The following THOC1 variants were observed in gnomAD, a reference collection of about 807,000 sequenced individuals.
THOC1 encodes the protein THO complex subunit 1, also known as THO complex 1.
THOC1 carries 29 observed loss-of-function variants against 97.3 expected under a neutral mutation model. That is an observed-to-expected ratio of 0.30 (90% confidence interval 0.22 to 0.41). The LOEUF is 0.41. Among genes scored for constraint, THOC1 ranks in the 10% least tolerant of loss-of-function variants. The pLI, the probability that THOC1 is intolerant of heterozygous loss-of-function variation, is 1.00. For synonymous variants in THOC1, 255 were observed against 257.0 expected, an observed-to-expected ratio of 0.99 and a Z score of 0.07; for missense variants, 529 against 761.9, an observed-to-expected ratio of 0.69 and a Z score of 3.60.
chr18:218,136 C>T (rs975329313), intron 18 of THOC1, among the ~76,000 whole-genome samples: 1 of 152,148 alleles, frequency 6.6e-6, no homozygotes, highest in Non-Finnish European at 1.5e-5. Context: ...TAACCACATG[C>T]CCTGTAGGGT....
At chr18:267,906 G>A (rs1912832360) in intron 1 of THOC1, 60 bp downstream of exon 1, 6 of 1,511,988 alleles carry the variant, frequency 4.0e-6, no homozygotes, top group Admixed American at 2.0e-5. Context: ...AGTAATTTCA[G>A]GGAGAAGAGG....
chr18:236,350 CTTTTTTTTTT>C (rs71174215), intron 11 of THOC1, among the ~76,000 whole-genome samples: 1 of 88,374 alleles, frequency 1.1e-5, no homozygotes, highest in Non-Finnish European at 2.2e-5. Context: ...GAATAAGATT[CTTTTTTTTTT>C]TTTTTTTTTT....
At chr18:217,693 G>GT (rs1478078228) in intron 18 of THOC1, among the ~76,000 whole-genome samples, 2 of 151,202 alleles carry the variant, frequency 1.3e-5, no homozygotes, top group East Asian at 3.9e-4. Flanking sequence ...TTGGATAGTG[G>GT]TAAGTGCCGT....
Position 246,329 on chromosome 18 carries a change from C to T in THOC1, c.913G>A (p.Glu305Lys). The T allele has an allele frequency of 6.4e-7, 1 of 1,562,400 alleles. No homozygotes were observed. The highest frequency in any genetic ancestry group is 8.7e-7 in the Non-Finnish European group (1 of 1,143,910). Reference protein sequence around the residue: ...HVYFAKFLTSEKLMDLQLSDS... With the variant: ...HVYFAKFLTSKKLMDLQLSDS... Reference sequence around the variant, plus strand: ...TGAAAAAGAAAAACTTATACCTTTTCACTTGTTAAAAATTTTGCAAAATAT... The same window carrying T: ...TGAAAAAGAAAAACTTATACCTTTTTACTTGTTAAAAATTTTGCAAAATAT... Residue 305 changes from glutamate (E) to lysine (K), a missense_variant, in exon 11 of 21, where the codon GAA becomes AAA. Transcript: ENST00000261600.
At chr18:239,235 T>A (rs1332879432) in intron 11 of THOC1, among the ~76,000 whole-genome samples, 1 of 152,200 alleles carries the variant, frequency 6.6e-6, no homozygotes, top group Non-Finnish European at 1.5e-5. Context: ...ATTGAAAAAA[T>A]TTCTACAAAA....
chr18:263,961 C>T (rs545521256), intron 4 of THOC1, 65 bp downstream of exon 4: 28 of 1,228,902 alleles, frequency 2.3e-5, no homozygotes, highest in Admixed American at 1.4e-4. Context: ...GGGGAGAAGA[C>T]GTTTTAAATA....
intron 11 of THOC1, among the ~76,000 whole-genome samples, chr18:241,007 G>GCT (rs976395409): frequency 9.2e-5 from 14 of 152,118 alleles, no homozygotes; most frequent in African/African-American, 3.4e-4. Flanking sequence ...TGCTGCTGCT[G>GCT]ATCTGATAGG....
chr18:249,359 G>T lies in THOC1; in HGVS notation c.678-1402C>A, dbSNP rs186732915. Among the ~76,000 whole-genome samples, 72 of 152,146 alleles carry T rather than the reference G, an allele frequency of 4.7e-4. No homozygotes were observed. The East Asian group carries it at 9.3e-3, about 20-fold the overall frequency. ...AAGATTATACCTCTGGGTTTTCTAT[G>T]AATTGGGTTTTTAAAAAAAGCCACA... On this transcript the variant is annotated intron_variant, in intron 9 of 20. Transcript: ENST00000261600.
chr18:226,748 C>CT (rs953920523), intron 12 of THOC1, 53 bp downstream of exon 12: 169 of 1,378,544 alleles, frequency 1.2e-4, no homozygotes, highest in South Asian at 3.1e-4. Context: ...TAAGCAAGTC[C>CT]TTTTTTTTCT....
intron 1 of THOC1, among the ~76,000 whole-genome samples, chr18:266,042 C>G (rs1912756457): frequency 6.6e-6 from 1 of 152,204 alleles, no homozygotes; most frequent in South Asian, 2.1e-4. Flanking sequence ...CAAATTCTAT[C>G]CATTCTCCCA....
intron 4 of THOC1, chr18:260,808 A>T (rs1567857574): frequency 6.6e-6 from 1 of 152,240 alleles, no homozygotes; most frequent in Non-Finnish European, 1.5e-5. Context: ...GGTTATAACG[A>T]CTATAATAAC....
intron 11 of THOC1, chr18:245,701 A>G (rs1167514379): frequency 6.6e-6 from 1 of 152,548 alleles, no homozygotes; most frequent in East Asian, 1.9e-4. Flanking sequence ...TGCCTTGGAT[A>G]GAGAGTCCAG....
intron 10 of THOC1, among the ~76,000 whole-genome samples, chr18:246,859 C>T (rs1479495537): frequency 1.3e-5 from 2 of 149,188 alleles, no homozygotes; most frequent in African/African-American, 5.0e-5. Context: ...CACCTGTAGT[C>T]CCAGCTACTC....
At chr18:216,200 C>T (rs1910882804) in intron 19 of THOC1, 2 of 272,466 alleles carry the variant, frequency 7.3e-6, no homozygotes, top group Non-Finnish European at 1.4e-5. Flanking sequence ...GATCCACCCG[C>T]CTCGGCCTCC....
At chr18:240,614 T>C (rs1285302286) in intron 11 of THOC1, among the ~76,000 whole-genome samples, 1 of 152,164 alleles carries the variant, frequency 6.6e-6, no homozygotes, top group Non-Finnish European at 1.5e-5. Context: ...AAGACTGACA[T>C]GACTGTCAGC....
chr18:214,697 T>C lies in THOC1; in HGVS notation c.1903A>G (p.Asn635Asp). Residue 635 changes from asparagine (N) to aspartate (D), a missense_variant, in exon 21 of 21, where the codon AAT becomes GAT. By Grantham distance (23) the Asn-to-Asp change is conservative. Transcript: ENST00000261600. Reference protein sequence around the residue: ...GVHATPENLINALNKSGLSDL... With the variant: ...GVHATPENLIDALNKSGLSDL... ...CTTAATCCAGACTTATTCAGTGCAT[T>C]AATCAGATTCTCAGGTGTTGCATGA... The C allele has an allele frequency of 6.2e-7, 1 of 1,613,994 alleles. No homozygotes were observed. The highest frequency in any genetic ancestry group is 8.5e-7 in the Non-Finnish European group (1 of 1,179,852).
intron 17 of THOC1, among the ~76,000 whole-genome samples, chr18:219,576 G>T (rs1911007620): frequency 6.6e-6 from 1 of 152,176 alleles, no homozygotes; most frequent in Non-Finnish European, 1.5e-5. Flanking sequence ...GGGAACTCCA[G>T]ACTTTTAAGG....
chr18:253,058 T>A (rs534668704), intron 8 of THOC1, among the ~76,000 whole-genome samples: 1 of 152,342 alleles, frequency 6.6e-6, no homozygotes, highest in South Asian at 2.1e-4. Context: ...CTAAGAAGAC[T>A]TATTTTTCAA....
At chr18:252,732 CACTA>C (rs1330632062) in intron 8 of THOC1, 120 bp from the exon 9 acceptor site, 78 of 762,900 alleles carry the variant, frequency 1.0e-4, no homozygotes, top group Non-Finnish European at 1.2e-4. Flanking sequence ...GAAGTCTAGT[CACTA>C]ACTATCTAGA....
Sources: gnomAD v4.1 joint callset for allele counts (sites outside exome capture counted in the v4.1 genomes callset) on GRCh38, gnomAD v4.1.1 for gene constraint, MANE v1.5 for transcripts, NCBI Gene and HGNC (gene_info 2026-07-23, HGNC 2026-07-21) for gene names.